Variants in GPHN observed in about 807,000 individuals in gnomAD.
GPHN encodes the protein gephyrin.
Under a neutral mutation model 95.5 loss-of-function variants are expected in GPHN, and 17 were observed. The ratio of observed to expected loss-of-function variants is 0.18; its 90% CI spans 0.12 to 0.27. The LOEUF (loss-of-function observed/expected upper bound fraction) is 0.27, where lower values mean the gene tolerates loss of function less well. Among genes scored for constraint, GPHN ranks in the 10% least tolerant of loss-of-function variants. The pLI, the probability that GPHN is intolerant of heterozygous loss-of-function variation, is 1.00. For missense variants in GPHN, 660 were observed against 978.1 expected (o/e 0.67, Z 4.34); for synonymous variants, 320 against 322.5 (o/e 0.99, Z 0.08).
At chr14:67,030,285 C>G (rs2074133807) in intron 10 of GPHN, among the ~76,000 whole-genome samples, 1 of 152,160 alleles carries the variant, frequency 6.6e-6, no homozygotes. Context: ...AGTAACATCA[C>G]TAGCCACTGA....
At chr14:67,486,226 C>T in the GPHN span, among the ~76,000 whole-genome samples, 3 of 152,224 alleles carry the variant, frequency 2.0e-5, no homozygotes, top group South Asian at 4.1e-4. Context: ...CCAGGTCTTT[C>T]TCATGCTGTT....
At chr14:66,824,445 C>A in intron 3 of GPHN, 29 bp from the exon 4 acceptor site, 2 of 1,218,896 alleles carry the variant, frequency 1.6e-6, no homozygotes, top group Non-Finnish European at 2.4e-6. Flanking sequence ...AATTTTTCTG[C>A]ACATGACTAT....
chr14:66,872,729 C>A (rs939911902), intron 4 of GPHN, among the ~76,000 whole-genome samples: 1 of 151,926 alleles, frequency 6.6e-6, no homozygotes, highest in African/African-American at 2.4e-5. Context: ...AACCCCATCT[C>A]TACTAAAAGT....
rs1361494775 is a variant in GPHN, at chr14:66,559,208, T to C, written c.64+50617T>C. ...GTACCGCAATAAACATATGTGTGCA[T>C]GTGTCTTTATAGCAGCATGATTTAT... On this transcript the variant is annotated intron_variant, in intron 1 of 22. Coordinates refer to ENST00000478722, the MANE Select transcript of GPHN (RefSeq NM_020806.5). Among the ~76,000 whole-genome samples the C allele has an allele frequency of 9.2e-5, 14 of 152,258 alleles. 1 individual carries two copies. The East Asian group carries it at 2.7e-3, about 29-fold the overall frequency.
the GPHN span, chr14:67,204,859 G>A: frequency 6.2e-7 from 1 of 1,613,960 alleles, no homozygotes; most frequent in Non-Finnish European, 8.5e-7. Flanking sequence ...CCCTGAACAT[G>A]TCAGGGACAG....
chr14:66,956,632 C>T (rs1567148553), intron 8 of GPHN, among the ~76,000 whole-genome samples: 1 of 151,858 alleles, frequency 6.6e-6, no homozygotes, highest in Non-Finnish European at 1.5e-5. Context: ...TCTCTGATGG[C>T]CAGTGATGAT....
chr14:66,613,828 C>A (rs1020636083), intron 1 of GPHN, among the ~76,000 whole-genome samples: 1 of 152,104 alleles, frequency 6.6e-6, no homozygotes, highest in Non-Finnish European at 1.5e-5. Context: ...TACTGCCAAG[C>A]CTTTTTCTAA....
At chr14:66,527,589 C>A (rs1252137044) in intron 1 of GPHN, among the ~76,000 whole-genome samples, 1 of 152,080 alleles carries the variant, frequency 6.6e-6, no homozygotes, top group Non-Finnish European at 1.5e-5. Context: ...TTCCTGCTTT[C>A]TCTTGTGGGC....
chr14:67,464,778 G>A, the GPHN span, among the ~76,000 whole-genome samples: 4 of 152,084 alleles, frequency 2.6e-5, no homozygotes, highest in African/African-American at 4.8e-5. Context: ...TGTTATTTTC[G>A]CAAGTTCTGT....
chr14:66,671,162 T>A (rs1388359824), intron 1 of GPHN, among the ~76,000 whole-genome samples: 1 of 152,236 alleles, frequency 6.6e-6, no homozygotes, highest in East Asian at 1.9e-4. Flanking sequence ...CACATACTAA[T>A]CTTGATCCAT....
At chr14:67,296,812 G>A in the GPHN span, among the ~76,000 whole-genome samples, 1 of 152,024 alleles carries the variant, frequency 6.6e-6, no homozygotes, top group Non-Finnish European at 1.5e-5. Flanking sequence ...ATGGCTCACT[G>A]CAACCTCAAC....
chr14:66,917,867 C>A (rs930059320), intron 6 of GPHN, among the ~76,000 whole-genome samples: 3 of 152,188 alleles, frequency 2.0e-5, no homozygotes, highest in African/African-American at 7.2e-5. Context: ...TCATCCCACA[C>A]CCTCTCTTCA....
intron 18 of GPHN, among the ~76,000 whole-genome samples, chr14:67,154,579 T>C (rs2081473137): frequency 6.6e-6 from 1 of 152,058 alleles, no homozygotes; most frequent in African/African-American, 2.4e-5. Context: ...GAAAGGTGTA[T>C]GCTATTCATT....
At chr14:66,956,175 T>C (rs2068493859) in intron 8 of GPHN, among the ~76,000 whole-genome samples, 1 of 152,158 alleles carries the variant, frequency 6.6e-6, no homozygotes, top group South Asian at 2.1e-4. Context: ...GGAAGATTAG[T>C]GTATTGATAT....
chr14:67,625,547 G>T, the GPHN span, among the ~76,000 whole-genome samples: 1 of 151,874 alleles, frequency 6.6e-6, no homozygotes, highest in Non-Finnish European at 1.5e-5. Context: ...GGGCATGGTG[G>T]TGCATGCCTG....
the GPHN span, among the ~76,000 whole-genome samples, chr14:67,253,166 T>G: frequency 6.6e-6 from 1 of 152,344 alleles, no homozygotes; most frequent in Non-Finnish European, 1.5e-5. Flanking sequence ...GCCTGATTCC[T>G]TATCTGCAGA....
chr14:66,611,002 A>G (rs1459286307), intron 1 of GPHN, among the ~76,000 whole-genome samples: 1 of 152,144 alleles, frequency 6.6e-6, no homozygotes, highest in Non-Finnish European at 1.5e-5. Context: ...GTTTTTTGCT[A>G]AAACTGAATT....
At chr14:67,598,367 G>C in the GPHN span, among the ~76,000 whole-genome samples, 1 of 152,066 alleles carries the variant, frequency 6.6e-6, no homozygotes, top group African/African-American at 2.4e-5. Flanking sequence ...TTTAAATTTT[G>C]CCTAAGATCA....
chr14:67,058,979 T>C lies in GPHN; in HGVS notation c.1144+193T>C, dbSNP rs3752993. 76,452 of 456,240 alleles carry C rather than the reference T, an allele frequency of 0.17. 16,471 individuals carry two copies. The highest frequency in any genetic ancestry group is 0.67 in the African/African-American group (32,337 of 48,320). 28.3% of individuals were successfully genotyped at this position (456,240 alleles called of 1,614,324 possible). The stretch of plus-strand genomic sequence containing the variant: ...GGTTCAGCCTTAACAGTATACAGAG[T>C]AAAATCCATGAAACTGCCTTTTCAT... On this transcript the variant is annotated intron_variant, in intron 11 of 22. Coordinates refer to ENST00000478722, the MANE Select transcript of GPHN (RefSeq NM_020806.5).
Sources: gnomAD v4.1 joint callset for allele counts (sites outside exome capture counted in the v4.1 genomes callset) on GRCh38, gnomAD v4.1.1 for gene constraint, MANE v1.5 for transcripts, NCBI Gene and HGNC (gene_info 2026-07-23, HGNC 2026-07-21) for gene names.